SYTL2: variants seen among roughly 807,000 people sequenced by gnomAD.
SYTL2 encodes synaptotagmin-like protein 2.
SYTL2 carries 165 observed loss-of-function variants against 198.7 expected under a neutral mutation model. That is an observed-to-expected ratio of 0.83 (90% confidence interval 0.73 to 0.94). SYTL2 has a LOEUF of 0.94. Ranked by LOEUF, SYTL2 falls within the 40% of genes least tolerant of loss-of-function variation. The pLI is 0.00. For missense variants in SYTL2, 2,835 were observed against 2,582.8 expected, an observed-to-expected ratio of 1.10 and a Z score of -2.12; for synonymous variants, 966 against 917.7, an observed-to-expected ratio of 1.05 and a Z score of -0.95.
chr11:85,811,195 G>A (rs1162060880), upstream of SYTL2: 1 of 151,986 alleles, frequency 6.6e-6, no homozygotes, highest in African/African-American at 2.4e-5. Flanking sequence ...GCCCCCGGCG[G>A]GCGGTGCGGT....
chr11:85,719,028 G>A (rs1484636836), intron 9 of SYTL2, 185 bp from the exon 10 acceptor site: 38 of 1,523,254 alleles, frequency 2.5e-5, no homozygotes, highest in Admixed American at 4.0e-5. Flanking sequence ...GTGCCATAGC[G>A]GGAGCTCCCA....
the SYTL2 span, among the ~76,000 whole-genome samples, chr11:85,846,078 C>T: frequency 6.6e-6 from 1 of 152,114 alleles, no homozygotes; most frequent in African/African-American, 2.4e-5. Context: ...TGGGACAGTC[C>T]AAGATGACTT....
At position 85,724,860 on chromosome 11, in the gene SYTL2, C is replaced by T. The variant is rs779353122; in HGVS notation, c.4498G>A (p.Gly1500Ser). ...TCTTCCTTCAGTAGTTTTTCTAAGC[C>T]AGCACTGAATTCGAGGAACTCTGAT... ...PKSEFLEFSA[G>S]LEKLLKEETE... The change falls in exon 8 of 20, where the codon GGC becomes AGC. Residue 1500 changes from glycine to serine, a missense_variant. Around this residue, in one of 3 missense-constraint regions of SYTL2, gnomAD observed 2,645 missense variants for 2,381.7 expected, o/e 1.11. Transcript: ENST00000359152. The T allele has an allele frequency of 6.2e-7, 1 of 1,613,996 alleles. No homozygotes were observed. The highest frequency in any genetic ancestry group is 8.5e-7 in the Non-Finnish European group (1 of 1,179,986).
chr11:85,722,586 C>T lies in SYTL2; in HGVS notation c.5326+1446G>A, dbSNP rs1409703496. Among the ~76,000 whole-genome samples, 8 of 152,158 alleles carry T rather than the reference C, an allele frequency of 5.3e-5. No homozygotes were observed. In the East Asian group the frequency reaches 1.5e-3, roughly 29 times the overall value. On this transcript the variant is annotated intron_variant, in intron 8 of 19. Transcript: ENST00000359152. Reference sequence around the variant, plus strand: ...ACATAATTGCAAATTTGCAAGCGCTCCTTCTCCTGTGGGTCAGTTTACACT... The same window carrying T: ...ACATAATTGCAAATTTGCAAGCGCTTCTTCTCCTGTGGGTCAGTTTACACT...
Position 85,726,383 on chromosome 11 carries a change from T to G in SYTL2, c.2975A>C (p.Glu992Ala), listed in dbSNP as rs2089176500. Residue 992 changes from glutamate (E) to alanine (A), a missense_variant, in exon 8 of 20, where the codon GAA (glutamate) becomes GCA (alanine). Transcript: ENST00000359152. ...ATTATCCTTACTGTTTGAATTAGCTTCTAAGTCCCAAAACTTTCTCAAATT... is the reference window on the plus strand; with the variant it reads ...ATTATCCTTACTGTTTGAATTAGCTGCTAAGTCCCAAAACTTTCTCAAATT... ...FENLRKFWDL[E>A]ANSNSKDNDK... 1 of 1,613,700 alleles carries G rather than the reference T, an allele frequency of 6.2e-7. No homozygotes were observed. The highest frequency in any genetic ancestry group is 8.5e-7 in the Non-Finnish European group (1 of 1,179,900).
the SYTL2 span, chr11:85,853,798 A>G: frequency 1.5e-4 from 23 of 152,194 alleles, no homozygotes; most frequent in African/African-American, 5.1e-4. Context: ...AGGAAAATAA[A>G]AAAATCTCGT....
In SYTL2 at chr11:85,792,628, T is replaced by A. The variant is rs191104140; in HGVS notation, c.-390+18326A>T. Among the ~76,000 whole-genome samples, 731 of 151,848 alleles carry A rather than the reference T, an allele frequency of 4.8e-3. 2 individuals carry two copies. The highest frequency in any genetic ancestry group is 8.3e-3 in the Non-Finnish European group (562 of 67,958). On this transcript the variant is annotated intron_variant, in intron 1 of 19. Transcript: ENST00000359152. ...TTCTTAGTTTCAGAGCTTTTTTTTT[T>A]AATTTTATTATTATTATACTTTAAG...
At chr11:85,796,913 G>A (rs1398256745) in intron 1 of SYTL2, among the ~76,000 whole-genome samples, 1 of 152,214 alleles carries the variant, frequency 6.6e-6, no homozygotes, top group Non-Finnish European at 1.5e-5. Flanking sequence ...CAAAAGGATT[G>A]AATTTGGGCT....
the SYTL2 span, among the ~76,000 whole-genome samples, chr11:85,848,252 A>G: frequency 6.6e-6 from 1 of 150,998 alleles, no homozygotes; most frequent in African/African-American, 2.4e-5. Flanking sequence ...AAACAAACAA[A>G]CCAAAAAAAG....
At chr11:85,807,492 G>T (rs754806117) in intron 1 of SYTL2, among the ~76,000 whole-genome samples, 37 of 152,212 alleles carry the variant, frequency 2.4e-4, no homozygotes, top group Non-Finnish European at 4.6e-4. Context: ...GGTAAGTGAG[G>T]ATAGAATTTG....
the SYTL2 span, among the ~76,000 whole-genome samples, chr11:85,847,653 G>A: frequency 6.6e-6 from 1 of 152,132 alleles, no homozygotes; most frequent in Non-Finnish European, 1.5e-5. Context: ...GTCTTTTAGG[G>A]TTAGCCATTC....
chr11:85,757,161 A>T (rs2091911832), intron 2 of SYTL2, among the ~76,000 whole-genome samples: 1 of 152,252 alleles, frequency 6.6e-6, no homozygotes, highest in Non-Finnish European at 1.5e-5. Flanking sequence ...TTCAGTTGCC[A>T]TTAAAACCAA....
intron 2 of SYTL2, among the ~76,000 whole-genome samples, chr11:85,753,969 G>A (rs938019366): frequency 6.6e-6 from 1 of 152,052 alleles, no homozygotes; most frequent in African/African-American, 2.4e-5. Flanking sequence ...GGCAACAGTG[G>A]TGTATCCATT....
At chr11:85,778,276 C>T (rs776723674) in intron 1 of SYTL2, among the ~76,000 whole-genome samples, 10 of 152,206 alleles carry the variant, frequency 6.6e-5, no homozygotes, top group Non-Finnish European at 1.3e-4. Flanking sequence ...CTCCCTCACC[C>T]TTACCCCATC....
chr11:85,847,140 C>G, the SYTL2 span, among the ~76,000 whole-genome samples: 1 of 152,176 alleles, frequency 6.6e-6, no homozygotes, highest in African/African-American at 2.4e-5. Context: ...TCTATACACC[C>G]TTGTAACCAC....
chr11:85,819,295 T>G, the SYTL2 span, among the ~76,000 whole-genome samples: 2,392 of 152,300 alleles, frequency 0.016, 58 homozygotes, highest in African/African-American at 0.055. Context: ...AAAACAACTG[T>G]TTCAGTTATC....
the SYTL2 span, among the ~76,000 whole-genome samples, chr11:85,850,909 A>C: frequency 6.7e-6 from 1 of 150,260 alleles, no homozygotes; most frequent in Non-Finnish European, 1.5e-5. Context: ...CATCATTCTC[A>C]GTAAACTATC....
chr11:85,807,400 T>A (rs1298364692), intron 1 of SYTL2, among the ~76,000 whole-genome samples: 2 of 152,244 alleles, frequency 1.3e-5, no homozygotes, highest in African/African-American at 2.4e-5. Flanking sequence ...TAAACATTTT[T>A]AAAATATTAA....
chr11:85,734,334 T>C lies in SYTL2; in HGVS notation c.995A>G (p.His332Arg), dbSNP rs369272511. 12 of 1,614,114 alleles carry C rather than the reference T, an allele frequency of 7.4e-6. No individual in the cohort carries two copies. Among genetic ancestry groups the C allele is most frequent in the African/African-American group, 1.3e-5 (1 of 74,934 alleles). The change falls in exon 7 of 20, where the codon CAT becomes CGT. Residue 332 changes from histidine to arginine, a missense_variant. Physicochemically the swap from His to Arg is conservative, Grantham distance 29 (BLOSUM62 0). This residue lies in a region of SYTL2 where 2,645 missense variants were observed against 2,381.7 expected (regional missense o/e 1.11). Coordinates refer to ENST00000359152, the MANE Select transcript of SYTL2 (RefSeq NM_206927.4). ...SSPNSLEPLKHVRFSAVKDEL... is the reference protein window; with the variant it reads ...SSPNSLEPLKRVRFSAVKDEL... ...ATCCTTCACTGCAGAGAATCTCACA[T>C]GCTTTAATGGCTCCAGGGAGTTTGG...
Sources: gnomAD v4.1 joint callset for allele counts (sites outside exome capture counted in the v4.1 genomes callset) on GRCh38, gnomAD v4.1.1 for gene constraint, gnomAD v4.1.1 regional missense constraint, MANE v1.5 for transcripts, NCBI Gene and HGNC (gene_info 2026-07-23, HGNC 2026-07-21) for gene names.